Variants in SEMA6A observed in about 807,000 individuals in gnomAD.
The protein encoded by SEMA6A is semaphorin 6A.
In SEMA6A, 25 loss-of-function variants were observed where a neutral mutation model predicts 96.8. The ratio of observed to expected loss-of-function variants is 0.26; its 90% CI spans 0.19 to 0.36. The LOEUF (loss-of-function observed/expected upper bound fraction) is 0.36. SEMA6A is among the 10% of genes least tolerant of loss of function. SEMA6A has a pLI of 1.00. For missense variants in SEMA6A, 1,363 were observed against 1,323.1 expected, an observed-to-expected ratio of 1.03 and a Z score of -0.47; for synonymous variants, 612 against 518.0, an observed-to-expected ratio of 1.18 and a Z score of -2.46.
At chr5:116,501,334 T>C (rs1757869659) in intron 3 of SEMA6A, among the ~76,000 whole-genome samples, 1 of 152,220 alleles carries the variant, frequency 6.6e-6, no homozygotes. Flanking sequence ...ATTCTTACCA[T>C]GCCATTCAGC....
chr5:116,540,858 G>T (rs562838818), intron 1 of SEMA6A, among the ~76,000 whole-genome samples: 1 of 152,214 alleles, frequency 6.6e-6, no homozygotes, highest in South Asian at 2.1e-4. Flanking sequence ...ACTTAAGATG[G>T]TAGTATATTT....
At chr5:116,467,451 C>T (rs903228058) in intron 18 of SEMA6A, 132 bp downstream of exon 18, 32 of 866,440 alleles carry the variant, frequency 3.7e-5, no homozygotes, top group South Asian at 1.0e-4. Context: ...CAGTCTTTTT[C>T]GAGAAACTTT....
At chr5:116,522,549 G>A (rs926694337) in intron 1 of SEMA6A, among the ~76,000 whole-genome samples, 5 of 152,092 alleles carry the variant, frequency 3.3e-5, no homozygotes, top group Admixed American at 6.5e-5. Flanking sequence ...CTATAAACCC[G>A]CCTGCGTGCC....
intron 1 of SEMA6A, among the ~76,000 whole-genome samples, chr5:116,553,859 A>G (rs911198471): frequency 6.6e-6 from 1 of 152,232 alleles, no homozygotes; most frequent in Admixed American, 6.5e-5. Context: ...TCCATACGAT[A>G]CAGCAACCAT....
At chr5:116,572,825 A>G (rs1336036248) in intron 1 of SEMA6A, among the ~76,000 whole-genome samples, 2 of 152,162 alleles carry the variant, frequency 1.3e-5, no homozygotes, top group Non-Finnish European at 2.9e-5. Flanking sequence ...CTCAGACTGC[A>G]CATGCTGAGC....
At chr5:116,540,771 T>C (rs1759927689) in intron 1 of SEMA6A, among the ~76,000 whole-genome samples, 1 of 152,200 alleles carries the variant, frequency 6.6e-6, no homozygotes, top group Non-Finnish European at 1.5e-5. Flanking sequence ...CTCCAGTGTC[T>C]TCCTTGGCAG....
At chr5:116,510,218 T>C (rs1758344115) in intron 1 of SEMA6A, among the ~76,000 whole-genome samples, 2 of 152,090 alleles carry the variant, frequency 1.3e-5, no homozygotes, top group African/African-American at 4.8e-5. Flanking sequence ...CAGAGAACAC[T>C]GTTGTTACCA....
chr5:116,502,317 C>T lies in SEMA6A; in HGVS notation c.111G>A (p.Gln37=), dbSNP rs765664263. 3 of 1,613,622 alleles carry T rather than the reference C, an allele frequency of 1.9e-6. No individual in the cohort carries two copies. The highest frequency in any genetic ancestry group is 2.2e-5 in the East Asian group (1 of 44,874). The part of the protein sequence containing the change: ...ISISHGNYTK[Q]YPVFVGHKPG... ...GCTTGTGGCCCACAAACACCGGATA[C>T]TGTTTTGTATCTGTGAAAAGAGGAG... The change falls in exon 3 of 19, where the codon CAG becomes CAA. Residue 37 remains glutamine, a synonymous_variant. Transcript: ENST00000343348.
At chr5:116,516,072 G>T (rs72812714) in intron 1 of SEMA6A, among the ~76,000 whole-genome samples, 19,352 of 152,208 alleles carry the variant, frequency 0.13, 1,408 homozygotes, top group East Asian at 0.27. Flanking sequence ...TTTGCTGCCT[G>T]TGTCAGCCCT....
rs926589746 is a variant in SEMA6A at position 116,523,002 on chromosome 5, G to A, written c.-38-18020C>T. On this transcript the variant is annotated intron_variant, in intron 1 of 18. Transcript: ENST00000343348. ...AGAAAAGAAAGAATTCATCAGGAGA[G>A]CGAGGAGGGCAGTGTGGAGAGGTGC... 2.0e-5 allele frequency among the ~76,000 whole-genome samples: 3 copies of A among 152,210 alleles called. No individual in the cohort carries two copies. The East Asian group carries it at 5.8e-4, about 29-fold the overall frequency.
intron 6 of SEMA6A, among the ~76,000 whole-genome samples, chr5:116,494,845 A>G (rs1561495729): frequency 1.3e-5 from 2 of 152,312 alleles, no homozygotes; most frequent in Middle Eastern, 6.8e-3. Flanking sequence ...CTCCTTCATC[A>G]GCACCTCTGT....
intron 1 of SEMA6A, among the ~76,000 whole-genome samples, chr5:116,509,352 T>C (rs1398541895): frequency 1.3e-5 from 2 of 152,198 alleles, no homozygotes; most frequent in Non-Finnish European, 2.9e-5. Context: ...GTTTCAGTAA[T>C]TCTTTTAAAA....
In SEMA6A at chr5:116,486,889, C is replaced by T. The variant is rs17139910; in HGVS notation, c.822G>A (p.Thr274=). The part of the protein sequence containing the change: ...GSQRVLEKQW[T]SFLKARLNCS... ...AGTTCAAGCGCGCCTTCAGGAACGA[C>T]GTCCACTGTTTCTCCAGGACTCTTT... The change falls in exon 10 of 19, where the codon ACG becomes ACA. Residue 274 remains threonine, a synonymous_variant. Coordinates refer to ENST00000343348, the MANE Select transcript of SEMA6A (RefSeq NM_020796.5). 7.0e-3 allele frequency: 11,264 copies of T among 1,613,796 alleles called. 474 individuals are homozygous for T. The Admixed American group carries it at 0.091, about 13-fold the overall frequency.
chr5:116,481,418 T>C (rs1009712565), intron 11 of SEMA6A, among the ~76,000 whole-genome samples: 3 of 152,162 alleles, frequency 2.0e-5, no homozygotes, highest in Non-Finnish European at 4.4e-5. Context: ...TAGTCTGCTC[T>C]CCATAAGTAA....
intron 1 of SEMA6A, among the ~76,000 whole-genome samples, chr5:116,529,859 G>A (rs1181243192): frequency 2.2e-4 from 34 of 152,228 alleles, no homozygotes; most frequent in Non-Finnish European, 5.9e-5. Flanking sequence ...TTGGGGGAAG[G>A]AGCATAGGTT....
At position 116,481,278 on chromosome 5, in the gene SEMA6A, C is replaced by G. The variant is rs569583466; in HGVS notation, c.1095-1001G>C. Among the ~76,000 whole-genome samples the G allele has an allele frequency of 2.6e-5, 4 of 152,260 alleles. No homozygotes were observed. The South Asian group carries it at 8.3e-4, about 32-fold the overall frequency. Reference sequence around the variant, plus strand: ...GTATTACATAAGAACTTACTGAAACCTGATCCCTCAGGCTGAACTCCCCTT... The same window carrying G: ...GTATTACATAAGAACTTACTGAAACGTGATCCCTCAGGCTGAACTCCCCTT... On this transcript the variant is annotated intron_variant, in intron 11 of 18. Coordinates refer to ENST00000343348, the MANE Select transcript of SEMA6A (RefSeq NM_020796.5).
Position 116,574,504 on chromosome 5 carries a change from T to C in SEMA6A, c.-358A>G, listed in dbSNP as rs1466705725. 1.3e-5 allele frequency: 2 copies of C among 151,196 alleles called. No homozygotes were observed. The highest frequency in any genetic ancestry group is 1.9e-4 in the East Asian group (1 of 5,136). 9.4% of individuals were successfully genotyped at this position (151,196 alleles called of 1,614,324 possible). ...AAGAGGGTAAATGTTCAAGAAACTC[T>C]TCTCCAAATCCAAATTCCACTTGGA... On this transcript the variant is annotated 5_prime_UTR_variant, in exon 1 of 19. Coordinates refer to ENST00000343348, the MANE Select transcript of SEMA6A (RefSeq NM_020796.5).
At chr5:116,457,959 T>C (rs1298230701) in intron 18 of SEMA6A, among the ~76,000 whole-genome samples, 2 of 152,172 alleles carry the variant, frequency 1.3e-5, no homozygotes, top group African/African-American at 4.8e-5. Flanking sequence ...CCTACGTAGT[T>C]TGAGGCCAGT....
intron 1 of SEMA6A, among the ~76,000 whole-genome samples, chr5:116,568,442 T>C (rs918154035): frequency 2.6e-5 from 4 of 152,170 alleles, no homozygotes; most frequent in Admixed American, 6.5e-5. Context: ...GGCAGAAACA[T>C]GGGTTAATAA....
Sources: allele counts gnomAD v4.1 joint callset (sites outside exome capture counted in the v4.1 genomes callset), GRCh38; gene constraint gnomAD v4.1.1; transcripts MANE v1.5; gene names NCBI Gene and HGNC (gene_info 2026-07-23, HGNC 2026-07-21).